Variants in PTCH1 observed in about 807,000 individuals in gnomAD.
PTCH1 encodes patched 1, also known as protein patched homolog 1.
PTCH1 carries 14 observed loss-of-function variants against 144.6 expected under a neutral mutation model. The observed-to-expected ratio is 0.10, with a 90% CI of 0.06 to 0.15. The LOEUF is 0.15. PTCH1 is among the 10% of genes least tolerant of loss of function. PTCH1 has a pLI of 1.00. For missense variants in PTCH1, 1,623 were observed against 1,948.3 expected, an observed-to-expected ratio of 0.83 and a Z score of 3.14; for synonymous variants, 833 against 793.6, an observed-to-expected ratio of 1.05 and a Z score of -0.83.
chr9:95,515,750 T>TCA (rs1236234759), intron 1 of PTCH1, among the ~76,000 whole-genome samples: 1 of 151,896 alleles, frequency 6.6e-6, no homozygotes, highest in Non-Finnish European at 1.5e-5. Context: ...GGCATAAGAG[T>TCA]CACACACACC....
chr9:95,511,759 C>A (rs1195321255), upstream of PTCH1, among the ~76,000 whole-genome samples: 3 of 152,200 alleles, frequency 2.0e-5, no homozygotes, highest in Non-Finnish European at 1.5e-5. Flanking sequence ...ACTATTCTAG[C>A]TTTTCTTACT....
chr9:95,497,385 A>G (rs1842862865), intron 2 of PTCH1, among the ~76,000 whole-genome samples: 1 of 152,248 alleles, frequency 6.6e-6, no homozygotes, highest in Non-Finnish European at 1.5e-5. Context: ...TACTTCAGAA[A>G]TGCAGAAAGC....
In PTCH1 at chr9:95,476,049, C is replaced by A. The variant is rs762575636; in HGVS notation, c.1713G>T (p.Arg571=). 2.7e-5 allele frequency: 43 copies of A among 1,613,840 alleles called. No homozygotes were observed. Among genetic ancestry groups the A allele is most frequent in the Non-Finnish European group, 7.6e-6 (9 of 1,180,040 alleles). ...MAALIPIPAL[R]AFSLQAAVVV... is the part of the protein sequence containing the mutation. ...AGAAGCTCACCTGGAGGGAGAACGCCCGCAGAGCGGGAATTGGGATTAACG... is the reference window on the plus strand; with the variant it reads ...AGAAGCTCACCTGGAGGGAGAACGCACGCAGAGCGGGAATTGGGATTAACG... Residue 571 remains arginine, a synonymous_variant, in exon 12 of 24, where the codon CGG becomes CGT. Transcript: ENST00000331920. The surrounding 1 kb of genome is among the most constrained non-coding windows in gnomAD (Gnocchi z 4.6).
rs1253689659 is a variant in PTCH1 at position 95,508,370 on chromosome 9, C to CGTT, written c.-10_-9insAAC. On this transcript the variant is annotated 5_prime_UTR_variant, in exon 1 of 24. Transcript: ENST00000331920. ...TTACCAGCCGAGGCCATGTTGCCGC[C>CGTT]GCCGCCGCCGCCGCCGCGGGGACGG... is the stretch of plus-strand genomic sequence containing the variant. 1.4e-5 allele frequency: 16 copies of CGTT among 1,116,232 alleles called. No homozygotes were observed. The highest frequency in any genetic ancestry group is 1.8e-5 in the Non-Finnish European group (16 of 906,280). The allele number at this position is 1,116,232 out of a possible 1,614,324, so 69.1% of individuals were successfully genotyped here.
chr9:95,457,348 T>C (rs756651926), intron 18 of PTCH1, among the ~76,000 whole-genome samples: 1 of 152,230 alleles, frequency 6.6e-6, no homozygotes, highest in Admixed American at 6.5e-5. Context: ...TACCTTTTAA[T>C]GTACCTGCTG....
chr9:95,461,944 T>G lies in PTCH1; in HGVS notation c.2615A>C (p.Asn872Thr), dbSNP rs769029578. 1 of 1,614,218 alleles carries G rather than the reference T, an allele frequency of 6.2e-7. No individual in the cohort carries two copies. The highest frequency in any genetic ancestry group is 8.5e-7 in the Non-Finnish European group (1 of 1,180,034). ...TCCATCGTCTGATCCATTCTTGTAA[T>G]TGTTTGGCATGATTTTCCCGGTTTC... ...DWETGKIMPN[N>T]YKNGSDDGVL... Residue 872 changes from asparagine (N) to threonine (T), a missense_variant, in exon 16 of 24, where the codon AAT becomes ACT. Around this residue, in one of 7 missense-constraint regions of PTCH1, gnomAD observed 504 missense variants for 679.3 expected, o/e 0.74. Transcript: ENST00000331920.
At chr9:95,456,507 T>G in intron 18 of PTCH1, 94 bp from the exon 19 acceptor site, 7 of 1,491,758 alleles carry the variant, frequency 4.7e-6, no homozygotes, top group Non-Finnish European at 6.4e-6. Flanking sequence ...TGTCCTCGGT[T>G]CAGATCAAAA....
chr9:95,449,975 T>G lies in PTCH1; in HGVS notation c.3450-35A>C. On this transcript the variant is annotated intron_variant, in intron 20 of 23. Transcript: ENST00000331920. The surrounding 1 kb of genome is among the most constrained non-coding windows in gnomAD (Gnocchi z 5.3). Reference sequence around the variant, plus strand: ...CAAGAGGAAACGGGAACACGCGCTGTGACAGGGTGGATCGCGCCACCCTCC... The same window carrying G: ...CAAGAGGAAACGGGAACACGCGCTGGGACAGGGTGGATCGCGCCACCCTCC... 1 of 1,587,250 alleles carries G rather than the reference T, an allele frequency of 6.3e-7. No individual in the cohort carries two copies. The highest frequency in any genetic ancestry group is 8.6e-7 in the Non-Finnish European group (1 of 1,156,438).
In PTCH1 at chr9:95,469,809, G is replaced by T; in HGVS notation, c.1847+4C>A. The T allele has an allele frequency of 6.2e-7, 1 of 1,607,424 alleles. No individual in the cohort carries two copies. Among genetic ancestry groups the T allele is most frequent in the Non-Finnish European group, 8.5e-7 (1 of 1,173,858 alleles). ...CAAAAGGCCACAGCAGTCTGAAAATGTACCTTGTAAAACAGCAGAAAATAT... is the reference window on the plus strand; with the variant it reads ...CAAAAGGCCACAGCAGTCTGAAAATTTACCTTGTAAAACAGCAGAAAATAT... On this transcript the variant is annotated splice_donor_region_variant and intron_variant, in intron 13 of 23. Coordinates refer to ENST00000331920, the MANE Select transcript of PTCH1 (RefSeq NM_000264.5).
chr9:95,494,659 C>G (rs1402500607), intron 2 of PTCH1, among the ~76,000 whole-genome samples: 2 of 152,174 alleles, frequency 1.3e-5, no homozygotes, highest in African/African-American at 4.8e-5. Flanking sequence ...GGTGTGATGA[C>G]GAGCGCGCGC....
At chr9:95,454,214 C>T (rs1391917300) in intron 19 of PTCH1, among the ~76,000 whole-genome samples, 1 of 152,218 alleles carries the variant, frequency 6.6e-6, no homozygotes, top group Admixed American at 6.5e-5. Context: ...AGTCCTAAAG[C>T]TCTCCTAGGC....
chr9:95,508,640 C>A lies in PTCH1; in HGVS notation c.-279G>T. On this transcript the variant is annotated 5_prime_UTR_variant, in exon 1 of 24. Coordinates refer to ENST00000331920, the MANE Select transcript of PTCH1 (RefSeq NM_000264.5). ...GCGGGGGTCCCGAGGTCTCTGCGGC[C>A]GCCGCTGCCCACATCCAGTTCGCGG... The A allele has an allele frequency of 1.4e-5, 14 of 989,140 alleles. No homozygotes were observed. Among genetic ancestry groups the A allele is most frequent in the Non-Finnish European group, 1.6e-5 (13 of 832,792 alleles). The allele number at this position is 989,140 out of a possible 1,614,324, so 61.3% of individuals were successfully genotyped here. A position where few individuals can be genotyped will look rare whatever the true frequency, so the allele number is the denominator to read the frequency against.
chr9:95,470,311 C>A (rs778579376), intron 12 of PTCH1, among the ~76,000 whole-genome samples: 10 of 152,182 alleles, frequency 6.6e-5, no homozygotes, highest in Non-Finnish European at 1.2e-4. Context: ...CAAGAGGTCA[C>A]GCGACCCTGA....
chr9:95,505,817 TCA>T (rs1263771536), intron 2 of PTCH1, among the ~76,000 whole-genome samples: 1 of 150,962 alleles, frequency 6.6e-6, no homozygotes, highest in African/African-American at 2.4e-5. Context: ...TTTTTTTCCC[TCA>T]GAGTTGAAAG....
chr9:95,476,115 G>A lies in PTCH1; in HGVS notation c.1647C>T (p.Ala549=), dbSNP rs2118256501. The change falls in exon 12 of 24, where the codon GCC becomes GCT. Residue 549 remains alanine (A), a synonymous_variant. Coordinates refer to ENST00000331920, the MANE Select transcript of PTCH1 (RefSeq NM_000264.5). This position sits in a 1 kb window ranked among gnomAD's most constrained non-coding sequence, Gnocchi z 4.6. ...CTGTGACATTGCTGATGGACGTGAG[G>A]GCCACGCTGGCTCCTGTGCGCTTCA... ...ECLKRTGASV[A]LTSISNVTAF... 1.2e-6 allele frequency: 2 copies of A among 1,613,732 alleles called. No individual in the cohort carries two copies. Among genetic ancestry groups the A allele is most frequent in the Non-Finnish European group, 1.7e-6 (2 of 1,179,884 alleles).
intron 16 of PTCH1, among the ~76,000 whole-genome samples, chr9:95,460,955 T>C (rs1367577095): frequency 6.6e-6 from 1 of 152,162 alleles, no homozygotes; most frequent in African/African-American, 2.4e-5. Context: ...CTGAACAATG[T>C]ACTTTGTAAA....
rs950019214 is a variant in PTCH1, at chr9:95,449,919, C to T, written c.3471G>A (p.Ala1157=). The T allele has an allele frequency of 3.1e-6, 5 of 1,614,126 alleles. No individual in the cohort carries two copies. Among genetic ancestry groups the T allele is most frequent in the East Asian group, 4.5e-5 (2 of 44,868 alleles). ...TGAGAACGCCGAGGATGGTGAGGAT[C>T]GCCAGCACAGCAAAGAAATACCTGG... ...FIVRYFFAVL[A]ILTILGVLNG... Residue 1157 remains alanine, a synonymous_variant, in exon 21 of 24, where the codon GCG becomes GCA. Coordinates refer to ENST00000331920, the MANE Select transcript of PTCH1 (RefSeq NM_000264.5). The surrounding 1 kb of genome is among the most constrained non-coding windows in gnomAD (Gnocchi z 5.3).
At chr9:95,511,169 C>T (rs1406524304), upstream of PTCH1, among the ~76,000 whole-genome samples, 1 of 150,066 alleles carries the variant, frequency 6.7e-6, no homozygotes, top group Non-Finnish European at 1.5e-5. Flanking sequence ...CGGGGCGCGC[C>T]GGCCACCGGG....
At chr9:95,461,174 G>T (rs1588549147) in intron 16 of PTCH1, among the ~76,000 whole-genome samples, 1 of 152,058 alleles carries the variant, frequency 6.6e-6, no homozygotes, top group East Asian at 1.9e-4. Flanking sequence ...GAACCAAAAG[G>T]GGTATGCTGG....
Sources: allele counts gnomAD v4.1 joint callset (sites outside exome capture counted in the v4.1 genomes callset), GRCh38; gene constraint gnomAD v4.1.1; regional missense constraint gnomAD v4.1.1; non-coding constraint Gnocchi (gnomAD v3.1); transcripts MANE v1.5; gene names NCBI Gene and HGNC (gene_info 2026-07-23, HGNC 2026-07-21).